The following SYNPR variants were observed in gnomAD, a reference collection of about 807,000 sequenced individuals.
SYNPR encodes the protein synaptoporin.
SYNPR carries 23 observed loss-of-function variants against 32.9 expected under a neutral mutation model. That is an observed-to-expected ratio of 0.70 (90% CI 0.50 to 0.99). SYNPR has a LOEUF of 0.99. Among genes scored for constraint, SYNPR ranks in the 50% least tolerant of loss-of-function variants. SYNPR has a pLI of 0.00. For missense variants in SYNPR, 318 were observed against 349.3 expected, an observed-to-expected ratio of 0.91 and a Z score of 0.71; for synonymous variants, 146 against 135.9, an observed-to-expected ratio of 1.07 and a Z score of -0.52.
At chr3:63,320,458 T>C (rs150913969) in intron 2 of SYNPR, among the ~76,000 whole-genome samples, 87 of 152,162 alleles carry the variant, frequency 5.7e-4, no homozygotes, top group Non-Finnish European at 1.1e-3. Context: ...ATTCAGTTTT[T>C]TAGTGGAACA....
chr3:63,389,860 G>A (rs2088108571), intron 2 of SYNPR, among the ~76,000 whole-genome samples: 1 of 152,200 alleles, frequency 6.6e-6, no homozygotes, highest in African/African-American at 2.4e-5. Context: ...TTCTGACTTT[G>A]CAGGATTGTT....
At chr3:63,376,915 G>T (rs2087902744) in intron 2 of SYNPR, among the ~76,000 whole-genome samples, 1 of 152,092 alleles carries the variant, frequency 6.6e-6, no homozygotes, top group East Asian at 1.9e-4. Context: ...TATTCCTAGA[G>T]CATAAAATGG....
At chr3:63,464,973 T>C (rs1181622631) in intron 2 of SYNPR, among the ~76,000 whole-genome samples, 1 of 152,190 alleles carries the variant, frequency 6.6e-6, no homozygotes, top group Non-Finnish European at 1.5e-5. Flanking sequence ...GGGATACTTA[T>C]GTCTATGCTC....
chr3:63,211,563 T>G, the SYNPR span, among the ~76,000 whole-genome samples: 1,023 of 152,304 alleles, frequency 6.7e-3, 11 homozygotes, highest in African/African-American at 0.022. Context: ...TCCATCTGCC[T>G]CGGTAGATGA....
upstream of SYNPR, chr3:63,278,190 C>T (rs1575583700): frequency 4.5e-5 from 11 of 245,558 alleles, no homozygotes; most frequent in East Asian, 7.1e-4. Context: ...TGGGCCCTGC[C>T]TCGCCCACCT....
chr3:63,252,617 TA>T (rs1202737871), intron 2 of SYNPR: 1 of 152,194 alleles, frequency 6.6e-6, no homozygotes, highest in Admixed American at 6.5e-5. Context: ...AATGTGCTGA[TA>T]ACAGAACAAG....
chr3:63,322,573 G>A (rs2087122336), intron 2 of SYNPR, among the ~76,000 whole-genome samples: 1 of 152,046 alleles, frequency 6.6e-6, no homozygotes, highest in Non-Finnish European at 1.5e-5. Flanking sequence ...TGATTATATG[G>A]AGGCTTTTAT....
intron 2 of SYNPR, among the ~76,000 whole-genome samples, chr3:63,423,379 G>C (rs1699833556): frequency 6.6e-6 from 1 of 152,160 alleles, no homozygotes; most frequent in Admixed American, 6.5e-5. Context: ...GAAAAGAAAG[G>C]CTTTGTTACA....
At chr3:63,280,411 A>C (rs1431425860) in intron 2 of SYNPR, among the ~76,000 whole-genome samples, 1 of 151,930 alleles carries the variant, frequency 6.6e-6, no homozygotes, top group Admixed American at 6.6e-5. Context: ...GAGAACCACC[A>C]CTCTAAGCTA....
At chr3:63,300,162 G>T (rs929818716) in intron 2 of SYNPR, among the ~76,000 whole-genome samples, 3 of 152,052 alleles carry the variant, frequency 2.0e-5, no homozygotes, top group African/African-American at 7.2e-5. Context: ...AGTTGGCGAG[G>T]GTGAAAAGAT....
At chr3:63,265,018 C>A (rs1378928870) in intron 2 of SYNPR, among the ~76,000 whole-genome samples, 4 of 151,972 alleles carry the variant, frequency 2.6e-5, no homozygotes, top group African/African-American at 9.7e-5. Context: ...GGGGACACAG[C>A]CGAACCATAT....
chr3:63,408,190 GAAAGAGGA>G lies in SYNPR; in HGVS notation c.85-72640_85-72633del, dbSNP rs1276903491. 9.6e-4 allele frequency among the ~76,000 whole-genome samples: 86 copies of G among 89,350 alleles called. 11 individuals are homozygous for G. The highest frequency in any genetic ancestry group is 3.3e-3 in the African/African-American group (66 of 19,954). The allele number at this position is 89,350 out of a possible 152,430, so 58.6% of individuals were successfully genotyped here. A position where few individuals can be genotyped will look rare whatever the true frequency, so the allele number is the denominator to read the frequency against. On this transcript the variant is annotated intron_variant, in intron 2 of 5. Coordinates refer to ENST00000478300, the MANE Select transcript of SYNPR (RefSeq NM_001130003.2). ...AGAAAGAAAGAAAGAAAGAAAGAAA[GAAAGAGGA>G]AGGAAGGAAGGAAGGAAGGAAGGAA...
chr3:63,546,386 TG>T lies in SYNPR; in HGVS notation c.210-10156del, dbSNP rs1410385119. 2.6e-5 allele frequency among the ~76,000 whole-genome samples: 4 copies of T among 151,574 alleles called. No homozygotes were observed. In the South Asian group the frequency reaches 6.3e-4, roughly 24 times the overall value. ...TGTAAATCCAAACTGTAGGGAGGAGTGAAATTTGAAAAGATCCTGGCATATA... is the reference window on the plus strand; with the variant it reads ...TGTAAATCCAAACTGTAGGGAGGAGTAAATTTGAAAAGATCCTGGCATATA... On this transcript the variant is annotated intron_variant, in intron 3 of 5. Transcript: ENST00000478300.
At chr3:63,398,248 A>G (rs996401802) in intron 2 of SYNPR, among the ~76,000 whole-genome samples, 1 of 152,238 alleles carries the variant, frequency 6.6e-6, no homozygotes, top group South Asian at 2.1e-4. Flanking sequence ...AAGAGCTGGC[A>G]CTTGGCAGCA....
chr3:63,493,327 G>A lies in SYNPR; in HGVS notation c.209+12371G>A, dbSNP rs529096509. ...GTCAGATACTCTGGCAGCCAGAGCC[G>A]AGACATGAAACCATCAGGGCTTGGA... On this transcript the variant is annotated intron_variant, in intron 3 of 5. Transcript: ENST00000478300. Among the ~76,000 whole-genome samples, 19 of 152,210 alleles carry A rather than the reference G, an allele frequency of 1.2e-4. No individual in the cohort carries two copies. In the East Asian group the frequency reaches 3.5e-3, roughly 28 times the overall value.
At chr3:63,343,529 G>A (rs2087397437) in intron 2 of SYNPR, among the ~76,000 whole-genome samples, 1 of 152,184 alleles carries the variant, frequency 6.6e-6, no homozygotes, top group Non-Finnish European at 1.5e-5. Flanking sequence ...CTGCTGGACT[G>A]AACTCCTGGT....
chr3:63,275,776 G>T (rs2086569260), upstream of SYNPR, among the ~76,000 whole-genome samples: 1 of 152,156 alleles, frequency 6.6e-6, no homozygotes, highest in African/African-American at 2.4e-5. Flanking sequence ...CTGGCAGGTA[G>T]CAGGAACTAA....
the SYNPR span, among the ~76,000 whole-genome samples, chr3:63,222,771 C>T: frequency 6.6e-6 from 1 of 152,226 alleles, no homozygotes. Flanking sequence ...CCTGCCTTGG[C>T]CTCTCAAAGT....
chr3:63,408,228 G>A (rs187655792), intron 2 of SYNPR, among the ~76,000 whole-genome samples: 1,186 of 25,662 alleles, frequency 0.046, 32 homozygotes, highest in Middle Eastern at 0.075. Context: ...AAGGAAGGAA[G>A]GAAAGAAAGA....
Sources: gnomAD v4.1 joint callset for allele counts (sites outside exome capture counted in the v4.1 genomes callset) on GRCh38, gnomAD v4.1.1 for gene constraint, MANE v1.5 for transcripts, NCBI Gene and HGNC (gene_info 2026-07-23, HGNC 2026-07-21) for gene names.